Variants in PLAAT5 observed in about 807,000 individuals in gnomAD.
The protein encoded by PLAAT5 is Ca(2+)-independent N-acyltransferase.
Under a neutral mutation model 27.8 loss-of-function variants are expected in PLAAT5, and 27 were observed. That is an observed-to-expected ratio of 0.97 (90% confidence interval 0.72 to 1.34). The LOEUF is 1.34. Ranked by LOEUF, PLAAT5 falls within the 40% of genes most tolerant of loss-of-function variation. The pLI, the probability that PLAAT5 is intolerant of heterozygous loss-of-function variation, is 0.00. For missense variants in PLAAT5, 368 were observed against 343.8 expected, an observed-to-expected ratio of 1.07 and a Z score of -0.56; for synonymous variants, 125 against 136.1, an observed-to-expected ratio of 0.92 and a Z score of 0.57.
chr11:63,488,818 G>C, intron 3 of PLAAT5, 53 bp downstream of exon 3: 1 of 1,201,744 alleles, frequency 8.3e-7, no homozygotes, highest in East Asian at 2.3e-5. Flanking sequence ...AATATGTAGA[G>C]AAGTTGCCAG....
chr11:63,487,824 A>T (rs2016471190), intron 3 of PLAAT5, among the ~76,000 whole-genome samples: 1 of 152,232 alleles, frequency 6.6e-6, no homozygotes, highest in Non-Finnish European at 1.5e-5. Flanking sequence ...AACTGTTGAT[A>T]AAAAGCAACA....
chr11:63,469,103 CGTGTGTGTGTGTGTGT>C (rs34013443), intron 3 of PLAAT5, among the ~76,000 whole-genome samples: 31 of 134,438 alleles, frequency 2.3e-4, no homozygotes, highest in South Asian at 5.0e-4. Context: ...TCTCTATTAT[CGTGTGTGTGTGTGTGT>C]GTGTGTGTGT....
intron 3 of PLAAT5, among the ~76,000 whole-genome samples, chr11:63,480,060 C>T (rs2016247996): frequency 6.6e-6 from 1 of 152,204 alleles, no homozygotes; most frequent in Non-Finnish European, 1.5e-5. Context: ...GGGCAGGGCT[C>T]TCAGAGTCGG....
Position 63,463,433 on chromosome 11 carries a change from G to T in PLAAT5, c.*70C>A. On this transcript the variant is annotated 3_prime_UTR_variant, in exon 6 of 6. Coordinates refer to ENST00000540857, the MANE Select transcript of PLAAT5 (RefSeq NM_001146729.2). ...TCTTAATCGGAGCCATTGAGAGAAGGCAAGGGAAGGAAGCATGTTCTTTTT... is the reference window on the plus strand; with the variant it reads ...TCTTAATCGGAGCCATTGAGAGAAGTCAAGGGAAGGAAGCATGTTCTTTTT... The T allele has an allele frequency of 8.5e-7, 1 of 1,169,802 alleles. No homozygotes were observed. The highest frequency in any genetic ancestry group is 1.3e-6 in the Non-Finnish European group (1 of 783,182). 72.5% of individuals were successfully genotyped at this position (1,169,802 alleles called of 1,614,324 possible).
At chr11:63,480,527 A>G (rs2016258561) in intron 3 of PLAAT5, among the ~76,000 whole-genome samples, 2 of 152,240 alleles carry the variant, frequency 1.3e-5, no homozygotes, top group Admixed American at 6.5e-5. Flanking sequence ...CTTAACAGTT[A>G]TCCACTCTCT....
In PLAAT5 at chr11:63,491,118, G is replaced by T. The variant is rs959659183; in HGVS notation, c.-84C>A. On this transcript the variant is annotated 5_prime_UTR_variant, in exon 1 of 6. Transcript: ENST00000540857. ...TTCCCAGTCGGCGCGGCCCCTGGTCGGCGGAGCCGCGGAAGCTTGGGCACT... is the reference window on the plus strand; with the variant it reads ...TTCCCAGTCGGCGCGGCCCCTGGTCTGCGGAGCCGCGGAAGCTTGGGCACT... The T allele has an allele frequency of 5.9e-5, 72 of 1,216,168 alleles. No individual in the cohort carries two copies. The highest frequency in any genetic ancestry group is 7.4e-5 in the Non-Finnish European group (70 of 939,708). 75.3% of individuals were successfully genotyped at this position (1,216,168 alleles called of 1,614,324 possible). A position where few individuals can be genotyped will look rare whatever the true frequency, so the allele number is the denominator to read the frequency against.
At chr11:63,479,021 C>A (rs1247519539) in intron 3 of PLAAT5, among the ~76,000 whole-genome samples, 1 of 152,184 alleles carries the variant, frequency 6.6e-6, no homozygotes. Context: ...GGCTTCTCAC[C>A]CAGAAAGCAG....
intron 3 of PLAAT5, chr11:63,470,783 C>G (rs2016003615): frequency 6.6e-6 from 1 of 152,130 alleles, no homozygotes; most frequent in Non-Finnish European, 1.5e-5. Context: ...CCATTGCTAT[C>G]TGCTCACATC....
rs187122751 is a variant in PLAAT5 at position 63,488,945 on chromosome 11, G to T, written c.271C>A (p.Pro91Thr). ...EKAVVSLETT[P>T]SQKADWSSIP... ...GAACTCCAGTCTGCTTTCTGGCTGGGTGTGGTCTCCAAGCTAACTACAGCC... is the reference window on the plus strand; with the variant it reads ...GAACTCCAGTCTGCTTTCTGGCTGGTTGTGGTCTCCAAGCTAACTACAGCC... Residue 91 changes from proline (P) to threonine (T), a missense_variant, in exon 3 of 6, where the codon CCC (proline) becomes ACC (threonine). Coordinates refer to ENST00000540857, the MANE Select transcript of PLAAT5 (RefSeq NM_001146729.2). 15 of 1,613,410 alleles carry T rather than the reference G, an allele frequency of 9.3e-6. No individual in the cohort carries two copies. Among genetic ancestry groups the T allele is most frequent in the Non-Finnish European group, 1.2e-5 (14 of 1,179,534 alleles).
intron 3 of PLAAT5, among the ~76,000 whole-genome samples, chr11:63,475,465 C>T (rs909135487): frequency 6.6e-6 from 1 of 151,978 alleles, no homozygotes; most frequent in Non-Finnish European, 1.5e-5. Context: ...ACAACCACTC[C>T]TGCTACGGCT....
chr11:63,474,847 T>C (rs2016115611), intron 3 of PLAAT5, among the ~76,000 whole-genome samples: 2 of 152,066 alleles, frequency 1.3e-5, no homozygotes, highest in Admixed American at 6.5e-5. Flanking sequence ...ATAAAATTGA[T>C]ATGTTCTGTG....
chr11:63,483,827 A>ATATATATATATGTG (rs2016364624), intron 3 of PLAAT5, among the ~76,000 whole-genome samples: 2 of 109,794 alleles, frequency 1.8e-5, no homozygotes, highest in African/African-American at 6.8e-5. Context: ...ATATATATAT[A>ATATATATATATGTG]TATATATATA....
intron 2 of PLAAT5, among the ~76,000 whole-genome samples, chr11:63,489,905 G>A (rs2016520062): frequency 6.6e-6 from 1 of 152,212 alleles, no homozygotes; most frequent in Non-Finnish European, 1.5e-5. Flanking sequence ...GTTAATGAAA[G>A]TGAATTCAGG....
Position 63,491,011 on chromosome 11 carries a change from C to G in PLAAT5, c.24G>C (p.Glu8Asp), listed in dbSNP as rs1321466493. Residue 8 changes from glutamate (E) to aspartate (D), a missense_variant, in exon 1 of 6, where the codon GAG becomes GAC. By Grantham distance (45) the Glu-to-Asp change is conservative (BLOSUM62 2). Coordinates refer to ENST00000540857, the MANE Select transcript of PLAAT5 (RefSeq NM_001146729.2). Reference sequence around the variant, plus strand: ...TAGGGAGGCGGAGCGCGTACTCCCCCTCGGCGCCCGGGCTCAGGCCCATCC... The same window carrying G: ...TAGGGAGGCGGAGCGCGTACTCCCCGTCGGCGCCCGGGCTCAGGCCCATCC... MGLSPGA[E>D]GEYALRLPRI... 1 of 1,517,060 alleles carries G rather than the reference C, an allele frequency of 6.6e-7. No individual in the cohort carries two copies. The highest frequency in any genetic ancestry group is 8.8e-7 in the Non-Finnish European group (1 of 1,132,466). The allele number at this position is 1,517,060 out of a possible 1,614,324, so 94.0% of individuals were successfully genotyped here.
rs1018124461 is a variant in PLAAT5 at position 63,490,271 on chromosome 11, A to G, written c.211T>C (p.Leu71=). Residue 71 remains leucine (L), a synonymous_variant, in exon 2 of 6, where the codon TTA becomes CTA. Transcript: ENST00000540857. The stretch of plus-strand genomic sequence containing the variant: ...TGCTGGATGCTTCTGCCCTGTTCTA[A>G]TGTGCCCGGCGGAGGCTGCTTGGCT... ...LPAKQPPPGT[L]EQGRSIQQGE... 3.7e-6 allele frequency: 6 copies of G among 1,614,016 alleles called. No individual in the cohort carries two copies. Among genetic ancestry groups the G allele is most frequent in the Non-Finnish European group, 5.1e-6 (6 of 1,180,028 alleles).
intron 3 of PLAAT5, among the ~76,000 whole-genome samples, chr11:63,477,550 A>G (rs1184574526): frequency 1.3e-5 from 2 of 150,660 alleles, no homozygotes; most frequent in Non-Finnish European, 3.0e-5. Context: ...ATCTCGGCCC[A>G]CTGCAACCTC....
chr11:63,473,974 C>T (rs1163578575), intron 3 of PLAAT5, among the ~76,000 whole-genome samples: 2 of 152,158 alleles, frequency 1.3e-5, no homozygotes, highest in Admixed American at 6.5e-5. Flanking sequence ...GCTAGGATTA[C>T]AGGCATGCCC....
At chr11:63,469,901 G>C (rs958203089) in intron 3 of PLAAT5, 1 of 152,150 alleles carries the variant, frequency 6.6e-6, no homozygotes, top group African/African-American at 2.4e-5. Context: ...AGCCTGACCA[G>C]CATGGTGAAA....
chr11:63,476,675 A>G (rs117135944), intron 3 of PLAAT5, among the ~76,000 whole-genome samples: 4,418 of 152,088 alleles, frequency 0.029, 97 homozygotes, highest in Non-Finnish European at 0.039. Flanking sequence ...TGTTTGAATG[A>G]TATGTCTGGG....
Sources: gnomAD v4.1 joint callset for allele counts (sites outside exome capture counted in the v4.1 genomes callset) on GRCh38, gnomAD v4.1.1 for gene constraint, MANE v1.5 for transcripts, NCBI Gene and HGNC (gene_info 2026-07-23, HGNC 2026-07-21) for gene names.